ITGA2B: variants seen among roughly 807,000 people sequenced by gnomAD.
The protein encoded by ITGA2B is integrin subunit alpha 2b, also known as integrin alpha-IIb.
In ITGA2B, 91 loss-of-function variants were observed where a neutral mutation model predicts 142.0. That is an observed-to-expected ratio of 0.64 (90% CI 0.54 to 0.76). The LOEUF is 0.76. ITGA2B is among the 30% of genes least tolerant of loss of function. The pLI is 0.00. For missense variants in ITGA2B, 1,231 were observed against 1,350.8 expected, an observed-to-expected ratio of 0.91 and a Z score of 1.39; for synonymous variants, 536 against 567.2, an observed-to-expected ratio of 0.94 and a Z score of 0.78.
chr17:44,380,701 T>G, intron 13 of ITGA2B, 56 bp from the exon 14 acceptor site: 2 of 1,610,320 alleles, frequency 1.2e-6, no homozygotes, highest in Non-Finnish European at 1.7e-6. Flanking sequence ...GATCCTCATC[T>G]CATCTTCCCA....
Position 44,388,818 on chromosome 17 carries a change from C to CTTTTT in ITGA2B, c.188+463_188+467dup, listed in dbSNP as rs758076614. Among the ~76,000 whole-genome samples, 11 of 132,168 alleles carry CTTTTT rather than the reference C, an allele frequency of 8.3e-5. 2 individuals are homozygous for CTTTTT. The highest frequency in any genetic ancestry group is 2.3e-4 in the South Asian group (1 of 4,302). The allele number at this position is 132,168 out of a possible 152,430, so 86.7% of individuals were successfully genotyped here. ...AGGTGTGAGCCACTGTGCCTGGTCT[C>CTTTTT]TTTTTTTTTTTTTTTTTTGTATTTT... On this transcript the variant is annotated intron_variant, in intron 1 of 29. Coordinates refer to ENST00000262407, the MANE Select transcript of ITGA2B (RefSeq NM_000419.5).
chr17:44,375,476 G>A (rs2048532550), intron 26 of ITGA2B, 115 bp downstream of exon 26: 1 of 1,304,364 alleles, frequency 7.7e-7, no homozygotes, highest in Non-Finnish European at 1.1e-6. Context: ...TGCTCCCAGG[G>A]ACCAAGCGTG....
chr17:44,375,721 G>T lies in ITGA2B; in HGVS notation c.2602-5C>A, dbSNP rs563310309. On this transcript the variant is annotated splice_region_variant and splice_polypyrimidine_tract_variant and intron_variant, in intron 25 of 29. Coordinates refer to ENST00000262407, the MANE Select transcript of ITGA2B (RefSeq NM_000419.5). ...GATGGGCAGCCCCCAGTCCACCTGG[G>T]GGGGCAAAGGAGTGGTCAGGCCCAG... The T allele has an allele frequency of 2.5e-6, 4 of 1,573,380 alleles. No homozygotes were observed. Among genetic ancestry groups the T allele is most frequent in the Admixed American group, 1.9e-5 (1 of 52,508 alleles).
rs377161342 is a variant in ITGA2B at position 44,378,624 on chromosome 17, G to A, written c.1946+19C>T. On this transcript the variant is annotated intron_variant, in intron 19 of 29. Transcript: ENST00000262407. ...AGGCAGAAAGGGCCAGGGTCGGGCA[G>A]AATGGGAGGCCTCCTCACACGCTGG... 2 of 1,572,366 alleles carry A rather than the reference G, an allele frequency of 1.3e-6. No homozygotes were observed. Among genetic ancestry groups the A allele is most frequent in the Non-Finnish European group, 1.7e-6 (2 of 1,158,602 alleles).
rs1272216848 is a variant in ITGA2B at position 44,376,390 on chromosome 17, T to C, written c.2268-2A>G. The stretch of plus-strand genomic sequence containing the variant: ...CTGTTTGGATTCTGGCTGTTCTTGC[T>C]AGAGGGGAGGGGATGAGGAGAAACA... On this transcript the variant is annotated splice_acceptor_variant, in intron 22 of 29. Transcript: ENST00000262407. LOFTEE classifies it high-confidence loss of function. 6.2e-7 allele frequency: 1 copy of C among 1,614,016 alleles called. No individual in the cohort carries two copies. Among genetic ancestry groups the C allele is most frequent in the Admixed American group, 1.7e-5 (1 of 60,006 alleles).
At chr17:44,376,474 C>T in intron 22 of ITGA2B, 86 bp from the exon 23 acceptor site, 1 of 1,196,234 alleles carries the variant, frequency 8.4e-7, no homozygotes, top group Non-Finnish European at 1.2e-6. Context: ...TTAGAGAGTT[C>T]AGAGAGAGCT....
At chr17:44,378,319 G>A (rs774178573) in intron 20 of ITGA2B, 43 bp downstream of exon 20, 1 of 1,587,780 alleles carries the variant, frequency 6.3e-7, no homozygotes, top group Non-Finnish European at 8.6e-7. Context: ...AGGCTCCAGT[G>A]CCTCCCAGGT....
At chr17:44,374,063 G>A (rs1207650805) in intron 29 of ITGA2B, 2 of 388,342 alleles carry the variant, frequency 5.2e-6, no homozygotes, top group Non-Finnish European at 9.9e-6. Flanking sequence ...GTGTCAACAC[G>A]CCCGGCTAAT....
intron 21 of ITGA2B, 112 bp downstream of exon 21, chr17:44,377,586 G>T: frequency 1.3e-6 from 1 of 783,506 alleles, no homozygotes; most frequent in Non-Finnish European, 2.2e-6. Context: ...GCAAGGGAGT[G>T]TGAGGACCAA....
chr17:44,389,583 G>A lies in ITGA2B; in HGVS notation c.-110C>T, dbSNP rs112231045. ...ATCAAACTGGAACCCCAAGTAACTT[G>A]CTGAGCAACGGGCAGAGCAAAGGGC... On this transcript the variant is annotated 5_prime_UTR_variant, in exon 1 of 30. Transcript: ENST00000262407. The A allele has an allele frequency of 3.2e-6, 4 of 1,244,044 alleles. No individual in the cohort carries two copies. 77.1% of individuals were successfully genotyped at this position (1,244,044 alleles called of 1,614,324 possible).
chr17:44,389,315 T>C lies in ITGA2B; in HGVS notation c.159A>G (p.Ser53=). The stretch of plus-strand genomic sequence containing the variant: ...CATGGCTGTCCTTGTGGAAGTCCAG[T>C]GAAAATCCAAACTGGCTGCCATTGG... The part of the protein sequence containing the change: ...AGPNGSQFGF[S]LDFHKDSHGR... Residue 53 remains serine, a synonymous_variant, in exon 1 of 30, where the codon TCA becomes TCG. Transcript: ENST00000262407. 1 of 1,614,050 alleles carries C rather than the reference T, an allele frequency of 6.2e-7. No individual in the cohort carries two copies. Among genetic ancestry groups the C allele is most frequent in the Non-Finnish European group, 8.5e-7 (1 of 1,180,022 alleles).
rs2143436493 is a variant in ITGA2B at position 44,375,717 on chromosome 17, C to G, written c.2602-1G>C. On this transcript the variant is annotated splice_acceptor_variant, in intron 25 of 29. Transcript: ENST00000262407. LOFTEE classifies it high-confidence loss of function. ...TGGGGATGGGCAGCCCCCAGTCCAC[C>G]TGGGGGGGCAAAGGAGTGGTCAGGC... The G allele has an allele frequency of 6.3e-7, 1 of 1,576,504 alleles. No homozygotes were observed. Among genetic ancestry groups the G allele is most frequent in the African/African-American group, 1.3e-5 (1 of 74,532 alleles).
At chr17:44,375,391 A>G (rs2048531799) in intron 26 of ITGA2B, 200 bp downstream of exon 26, 1 of 666,096 alleles carries the variant, frequency 1.5e-6, no homozygotes, top group Non-Finnish European at 2.5e-6. Context: ...CGTACTGGGA[A>G]GCTTTTAAAA....
At position 44,378,507 on chromosome 17, in the gene ITGA2B, G is replaced by A. The variant is rs78299130; in HGVS notation, c.1949C>T (p.Thr650Met). The A allele has an allele frequency of 4.7e-5, 76 of 1,613,504 alleles. No individual in the cohort carries two copies. Among genetic ancestry groups the A allele is most frequent in the South Asian group, 9.9e-5 (9 of 90,882 alleles). ...TGCCCCAACTAGGAGCGGGGAGCCC[G>A]TCCTGTGGGGAAAGAGGAGTGAAGC... is the stretch of plus-strand genomic sequence containing the variant. ...VPQLQLTASV[T>M]GSPLLVGADN... is the part of the protein sequence containing the mutation. The change falls in exon 20 of 30, where the codon ACG (threonine) becomes ATG (methionine). Residue 650 changes from threonine (T) to methionine (M), a missense_variant and splice_region_variant. By Grantham distance (81) the Thr-to-Met change is moderately conservative. Transcript: ENST00000262407.
intron 12 of ITGA2B, 81 bp downstream of exon 12, chr17:44,383,412 T>G: frequency 7.4e-7 from 1 of 1,343,928 alleles, no homozygotes; most frequent in Non-Finnish European, 1.0e-6. Flanking sequence ...ATCCTGGTTC[T>G]GGCTGCCCTC....
chr17:44,389,631 G>T lies in ITGA2B; in HGVS notation c.-158C>A. 1.2e-6 allele frequency: 1 copy of T among 805,974 alleles called. No homozygotes were observed. Among genetic ancestry groups the T allele is most frequent in the Non-Finnish European group, 1.9e-6 (1 of 512,910 alleles). 49.9% of individuals were successfully genotyped at this position (805,974 alleles called of 1,614,324 possible). A position where few individuals can be genotyped will look rare whatever the true frequency, so the allele number is the denominator to read the frequency against. On this transcript the variant is annotated 5_prime_UTR_variant, in exon 1 of 30. Transcript: ENST00000262407. ...GGCTATAGCCCCTGGACTCATGGTG[G>T]CTAGAATTGCCAGGAAGTGGGTGAG... is the stretch of plus-strand genomic sequence containing the variant.
In ITGA2B at chr17:44,380,161, G is replaced by A; in HGVS notation, c.1601-8C>T. ...GCAGCTCGGCATTTAGGGCTGGCAGGGCAAGCAGAAGAGTCAGGACCTCCC... is the reference window on the plus strand; with the variant it reads ...GCAGCTCGGCATTTAGGGCTGGCAGAGCAAGCAGAAGAGTCAGGACCTCCC... On this transcript the variant is annotated splice_polypyrimidine_tract_variant and splice_region_variant and intron_variant, in intron 16 of 29. Coordinates refer to ENST00000262407, the MANE Select transcript of ITGA2B (RefSeq NM_000419.5). 1 of 1,613,598 alleles carries A rather than the reference G, an allele frequency of 6.2e-7. No homozygotes were observed. The highest frequency in any genetic ancestry group is 1.3e-5 in the African/African-American group (1 of 74,956).
chr17:44,387,446 C>T (rs546273432), intron 1 of ITGA2B, among the ~76,000 whole-genome samples: 27 of 151,956 alleles, frequency 1.8e-4, no homozygotes, highest in African/African-American at 6.3e-4. Context: ...TCGTTTGAAC[C>T]CAGGAGGCAG....
Position 44,385,278 on chromosome 17 carries a change from C to T in ITGA2B, c.624+8G>A, listed in dbSNP as rs1423844831. Reference sequence around the variant, plus strand: ...GCCGCCCCCACTGCGCTTTTGCTCCCTACTCGCCTGAGTGACCACGGAGCT... The same window carrying T: ...GCCGCCCCCACTGCGCTTTTGCTCCTTACTCGCCTGAGTGACCACGGAGCT... On this transcript the variant is annotated splice_region_variant and intron_variant, in intron 5 of 29. Coordinates refer to ENST00000262407, the MANE Select transcript of ITGA2B (RefSeq NM_000419.5). 8 of 1,613,480 alleles carry T rather than the reference C, an allele frequency of 5.0e-6. No homozygotes were observed. Among genetic ancestry groups the T allele is most frequent in the Non-Finnish European group, 6.8e-6 (8 of 1,180,010 alleles).
Sources: allele counts gnomAD v4.1 joint callset (sites outside exome capture counted in the v4.1 genomes callset), GRCh38; gene constraint gnomAD v4.1.1; transcripts MANE v1.5; gene names NCBI Gene and HGNC (gene_info 2026-07-23, HGNC 2026-07-21).